DMD: variants seen among roughly 807,000 people sequenced by gnomAD.
The protein encoded by DMD is mutant dystrophin.
Under a neutral mutation model 330.1 loss-of-function variants are expected in DMD, and 63 were observed. The ratio of observed to expected loss-of-function variants is 0.19; its 90% CI spans 0.16 to 0.24. The LOEUF (loss-of-function observed/expected upper bound fraction) is 0.24, where lower values mean the gene tolerates loss of function less well. DMD is among the 10% of genes least tolerant of loss of function. The probability of loss-of-function intolerance (pLI) is 1.00; values close to 1 mark genes in which losing one functional copy is unlikely to be tolerated. For synonymous variants in DMD, 1,223 were observed against 959.8 expected (o/e 1.27, Z -5.07); for missense variants, 3,344 against 2,684.1 (o/e 1.25, Z -5.43).
At chrX:32,239,632 C>G (rs1223907475) in intron 43 of DMD, among the ~76,000 whole-genome samples, 1 of 111,021 alleles carries the variant, frequency 9.0e-6, no homozygotes, top group East Asian at 2.9e-4. Flanking sequence ...ATTATAGTAT[C>G]ACACAGAGTA....
chrX:33,206,715 A>G (rs752450083), intron 1 of DMD, among the ~76,000 whole-genome samples: 3 of 111,528 alleles, frequency 2.7e-5, no homozygotes, highest in Non-Finnish European at 5.7e-5. Flanking sequence ...AGATTAAAAT[A>G]AAGATCGAGC....
rs376944106 is a variant in DMD, at chrX:33,273,263, G to C, written c.7+65996C>G. 6.2e-5 allele frequency among the ~76,000 whole-genome samples: 7 copies of C among 112,076 alleles called. No individual in the cohort carries two copies. The East Asian group carries it at 2.0e-3, about 31-fold the overall frequency. ...CCAACCCTGGTTATAATCTCTGAATGATGCATTTTATACATAGCAATGACT... is the reference window on the plus strand; with the variant it reads ...CCAACCCTGGTTATAATCTCTGAATCATGCATTTTATACATAGCAATGACT... On this transcript the variant is annotated intron_variant, in intron 1 of 17. Transcript: ENST00000288447.
chrX:32,456,947 G>A (rs181693922), intron 25 of DMD, among the ~76,000 whole-genome samples: 98 of 69,324 alleles, frequency 1.4e-3, no homozygotes, highest in Non-Finnish European at 2.7e-3. Flanking sequence ...ATTAGAAAGG[G>A]TCCAGATTGT....
At chrX:31,819,882 A>C in intron 50 of DMD, 93 bp downstream of exon 50, 7 of 729,071 alleles carry the variant, frequency 9.6e-6, no homozygotes, top group Non-Finnish European at 1.5e-5. Context: ...TTTAGAATTG[A>C]AACAAATTTT....
chrX:32,817,764 G>GA (rs2077884764), intron 5 of DMD, among the ~76,000 whole-genome samples: 1 of 111,758 alleles, frequency 8.9e-6, no homozygotes, highest in African/African-American at 3.2e-5. Context: ...TGGGGTAAAT[G>GA]CATATTTTAA....
At chrX:32,759,845 G>T (rs1489584133) in intron 7 of DMD, among the ~76,000 whole-genome samples, 4 of 2,647 alleles carry the variant, frequency 1.5e-3, no homozygotes, top group Non-Finnish European at 5.0e-3. Context: ...GTTTTTCTTG[G>T]GGGGGGGGGG....
At chrX:31,317,131 T>C (rs777074721) in intron 62 of DMD, among the ~76,000 whole-genome samples, 1 of 111,735 alleles carries the variant, frequency 8.9e-6, no homozygotes, top group Non-Finnish European at 1.9e-5. Flanking sequence ...GTACTGGAAA[T>C]GACCTATGAT....
chrX:33,251,490 T>G (rs1265778424), intron 1 of DMD, among the ~76,000 whole-genome samples: 1 of 111,567 alleles, frequency 9.0e-6, no homozygotes, highest in Non-Finnish European at 1.9e-5. Context: ...TGCCAGGGAC[T>G]GCCTGGAATG....
intron 53 of DMD, among the ~76,000 whole-genome samples, chrX:31,664,449 C>T (rs187325647): frequency 3.3e-4 from 36 of 109,008 alleles, no homozygotes; most frequent in African/African-American, 1.0e-3. Context: ...ACTGGTGCTG[C>T]TGACTATTCT....
chrX:32,930,813 G>C (rs1315015134), intron 2 of DMD, among the ~76,000 whole-genome samples: 1 of 109,323 alleles, frequency 9.1e-6, no homozygotes, highest in Admixed American at 9.9e-5. Flanking sequence ...CATTTCTTTT[G>C]CATTATATAT....
intron 30 of DMD, among the ~76,000 whole-genome samples, chrX:32,391,711 C>T (rs1161958469): frequency 1.8e-5 from 2 of 111,397 alleles, no homozygotes; most frequent in Non-Finnish European, 3.8e-5. Context: ...AGGTGCATGA[C>T]GTTATTTATA....
intron 11 of DMD, among the ~76,000 whole-genome samples, chrX:32,617,128 A>G (rs1295178035): frequency 9.0e-6 from 1 of 110,768 alleles, no homozygotes; most frequent in South Asian, 3.8e-4. Context: ...AGTTCACCCA[A>G]TACAATGCGG....
intron 1 of DMD, among the ~76,000 whole-genome samples, chrX:33,112,704 G>A (rs2095349035): frequency 9.0e-6 from 1 of 110,753 alleles, no homozygotes; most frequent in Non-Finnish European, 1.9e-5. Flanking sequence ...CTAAAATTGT[G>A]GCTCTTCCTC....
chrX:32,618,619 T>G (rs772888200), intron 11 of DMD, among the ~76,000 whole-genome samples: 2 of 111,190 alleles, frequency 1.8e-5, no homozygotes, highest in South Asian at 3.8e-4. Flanking sequence ...GACACAAGTT[T>G]ACCCATGTAA....
rs527280630 is a variant in DMD, at chrX:31,412,050, G to A, written c.9084+32431C>T. ...AAAATACAAAAATTAGCCAGGCATG[G>A]TGGCGGGCGCCTGCAGTCCCAGCTA... is the stretch of plus-strand genomic sequence containing the variant. On this transcript the variant is annotated intron_variant, in intron 60 of 78. Coordinates refer to ENST00000357033, the MANE Select transcript of DMD (RefSeq NM_004006.3). Among the ~76,000 whole-genome samples the A allele has an allele frequency of 3.7e-5, 4 of 108,166 alleles. No homozygotes were observed. In the South Asian group the frequency reaches 1.7e-3, roughly 47 times the overall value. The allele number at this position is 108,166 out of a possible 115,157, so 93.9% of individuals were successfully genotyped here.
chrX:31,558,148 C>A (rs1290640284), intron 55 of DMD, among the ~76,000 whole-genome samples: 1 of 112,094 alleles, frequency 8.9e-6, no homozygotes, highest in Non-Finnish European at 1.9e-5. Flanking sequence ...ATGAAGAGCT[C>A]TGAAGAGTGC....
intron 7 of DMD, among the ~76,000 whole-genome samples, chrX:32,790,001 T>C (rs1041882034): frequency 8.9e-6 from 1 of 111,859 alleles, no homozygotes; most frequent in South Asian, 3.7e-4. Flanking sequence ...ATAAAATTCC[T>C]AATAATTTAA....
intron 44 of DMD, among the ~76,000 whole-genome samples, chrX:32,010,676 A>T (rs1251905098): frequency 9.0e-6 from 1 of 111,681 alleles, no homozygotes; most frequent in Non-Finnish European, 1.9e-5. Context: ...ACTTACTCGG[A>T]TATCCTTGAA....
chrX:33,010,199 C>CAT (rs1356012753), intron 2 of DMD, among the ~76,000 whole-genome samples: 1 of 84,139 alleles, frequency 1.2e-5, no homozygotes, highest in Non-Finnish European at 2.2e-5. Context: ...TGTATATATG[C>CAT]ATATGTGTGT....
Sources: allele counts gnomAD v4.1 joint callset (sites outside exome capture counted in the v4.1 genomes callset), GRCh38; gene constraint gnomAD v4.1.1; transcripts MANE v1.5; gene names NCBI Gene and HGNC (gene_info 2026-07-23, HGNC 2026-07-21).